The following TOR1AIP2 variants were observed in gnomAD, a reference collection of about 807,000 sequenced individuals.
The protein encoded by TOR1AIP2 is torsin-1A-interacting protein 2.
TOR1AIP2 carries 20 observed loss-of-function variants against 32.6 expected under a neutral mutation model. The observed-to-expected ratio is 0.61, with a 90% CI of 0.43 to 0.89. The LOEUF is 0.89. TOR1AIP2 is among the 40% of genes least tolerant of loss of function. The pLI is 0.00. For synonymous variants in TOR1AIP2, 214 were observed against 210.8 expected (o/e 1.02, Z -0.13); for missense variants, 456 against 553.8 (o/e 0.82, Z 1.77).
intron 2 of TOR1AIP2, among the ~76,000 whole-genome samples, chr1:179,867,076 A>T (rs2148451740): frequency 6.6e-6 from 1 of 152,296 alleles, no homozygotes; most frequent in Non-Finnish European, 1.5e-5. Context: ...AAATAGAAGG[A>T]ATTATAGCCT....
chr1:179,852,177 G>A (rs1457167347), intron 4 of TOR1AIP2, among the ~76,000 whole-genome samples: 1 of 151,928 alleles, frequency 6.6e-6, no homozygotes, highest in Non-Finnish European at 1.5e-5. Flanking sequence ...CTATTCTGGA[G>A]GCTGAAGCAT....
At position 179,840,622 on chromosome 1, in the gene TOR1AIP2, A is replaced by G. The variant is rs1441148507; in HGVS notation, c.*5449T>C. 6.6e-6 allele frequency: 1 copy of G among 152,122 alleles called. No homozygotes were observed. Among genetic ancestry groups the G allele is most frequent in the African/African-American group, 2.4e-5 (1 of 41,402 alleles). 9.4% of individuals were successfully genotyped at this position (152,122 alleles called of 1,614,324 possible). On this transcript the variant is annotated 3_prime_UTR_variant, in exon 7 of 7. Transcript: ENST00000609928. ...GTTCTCAGGCCATTTGGATTGGCCTATAGAGATACAGAAGTTATAGCACAG... is the reference window on the plus strand; with the variant it reads ...GTTCTCAGGCCATTTGGATTGGCCTGTAGAGATACAGAAGTTATAGCACAG...
chr1:179,876,073 A>G (rs1571709928), intron 2 of TOR1AIP2: 2 of 152,312 alleles, frequency 1.3e-5, no homozygotes, highest in South Asian at 4.1e-4. Context: ...GGGCCTTCAC[A>G]GTTGACTTAG....
chr1:179,846,126 A>G lies in TOR1AIP2; in HGVS notation c.1358T>C (p.Leu453Pro). The change falls in exon 7 of 7, where the codon CTG becomes CCG. Residue 453 changes from leucine to proline, a missense_variant. Physicochemically the swap from Leu to Pro is moderately conservative, Grantham distance 98 (BLOSUM62 -3). Coordinates refer to ENST00000609928, the MANE Select transcript of TOR1AIP2 (RefSeq NM_001199260.2). ...ACTCACTGGCTGGACTGGCAGTACC[A>G]GGTGTGAAATTCGGCTCCACAGCCC... is the stretch of plus-strand genomic sequence containing the variant. ...LSGLWSRISH[L>P]VLPVQPVSSI... The G allele has an allele frequency of 6.2e-7, 1 of 1,614,196 alleles. No individual in the cohort carries two copies.
At chr1:179,872,065 C>T (rs889855367) in intron 2 of TOR1AIP2, among the ~76,000 whole-genome samples, 1 of 152,122 alleles carries the variant, frequency 6.6e-6, no homozygotes, top group African/African-American at 2.4e-5. Context: ...CTCTTTAGAA[C>T]AGAGAAGCCA....
rs757301962 is a variant in TOR1AIP2, at chr1:179,865,488, G to A, written c.-199C>T. 3 of 300,558 alleles carry A rather than the reference G, an allele frequency of 1.0e-5. No homozygotes were observed. The highest frequency in any genetic ancestry group is 2.2e-5 in the African/African-American group (1 of 46,174). The allele number at this position is 300,558 out of a possible 1,614,324, so 18.6% of individuals were successfully genotyped here. A position where few individuals can be genotyped will look rare whatever the true frequency, so the allele number is the denominator to read the frequency against. ...TTCAAATCCCAGCTTCTCAAGAAGAGATAGGGCTCTAGTCTAAATTAGTTA... is the reference window on the plus strand; with the variant it reads ...TTCAAATCCCAGCTTCTCAAGAAGAAATAGGGCTCTAGTCTAAATTAGTTA... On this transcript the variant is annotated 5_prime_UTR_variant, in exon 3 of 7. Transcript: ENST00000609928.
At chr1:179,867,252 A>G (rs1696819535) in intron 2 of TOR1AIP2, among the ~76,000 whole-genome samples, 1 of 152,218 alleles carries the variant, frequency 6.6e-6, no homozygotes, top group African/African-American at 2.4e-5. Context: ...AGAGTCAAGT[A>G]GACATACTGA....
rs1695705710 is a variant in TOR1AIP2 at position 179,841,091 on chromosome 1, C to T, written c.*4980G>A. 1 of 152,050 alleles carries T rather than the reference C, an allele frequency of 6.6e-6. No homozygotes were observed. Among genetic ancestry groups the T allele is most frequent in the Non-Finnish European group, 1.5e-5 (1 of 68,016 alleles). The allele number at this position is 152,050 out of a possible 1,614,324, so 9.4% of individuals were successfully genotyped here. Reference sequence around the variant, plus strand: ...AAAGTCATCTGGAGAAACTGTTTTACAGGTATCTTAACTTTATTTAGCTCT... The same window carrying T: ...AAAGTCATCTGGAGAAACTGTTTTATAGGTATCTTAACTTTATTTAGCTCT... On this transcript the variant is annotated 3_prime_UTR_variant, in exon 7 of 7. Transcript: ENST00000609928.
At chr1:179,873,216 G>A (rs1259816433) in intron 2 of TOR1AIP2, among the ~76,000 whole-genome samples, 1 of 152,056 alleles carries the variant, frequency 6.6e-6, no homozygotes, top group African/African-American at 2.4e-5. Context: ...AAATAGACAC[G>A]TGGTCTTGCT....
At position 179,845,360 on chromosome 1, in the gene TOR1AIP2, T is replaced by C. The variant is rs531973646; in HGVS notation, c.*711A>G. 2.0e-5 allele frequency: 3 copies of C among 152,306 alleles called. No homozygotes were observed. Among genetic ancestry groups the C allele is most frequent in the South Asian group, 2.1e-4 (1 of 4,826 alleles). The allele number at this position is 152,306 out of a possible 1,614,324, so 9.4% of individuals were successfully genotyped here. On this transcript the variant is annotated 3_prime_UTR_variant, in exon 7 of 7. Transcript: ENST00000609928. The stretch of plus-strand genomic sequence containing the variant: ...TTCAAGAAAAGCTGAAGTAAAGATA[T>C]AGCCAATTGGAATTTCTTCATTTCC...
At chr1:179,856,368 G>A (rs1353199294) in intron 3 of TOR1AIP2, among the ~76,000 whole-genome samples, 1 of 152,170 alleles carries the variant, frequency 6.6e-6, no homozygotes, top group Non-Finnish European at 1.5e-5. Flanking sequence ...CTGCAAAGGT[G>A]CCATCACAGA....
Position 179,846,524 on chromosome 1 carries a change from G to A in TOR1AIP2, c.960C>T (p.Thr320=), listed in dbSNP as rs769531908. The A allele has an allele frequency of 6.2e-7, 1 of 1,614,146 alleles. No homozygotes were observed. The highest frequency in any genetic ancestry group is 1.1e-5 in the South Asian group (1 of 91,078). The change falls in exon 7 of 7, where the codon ACC becomes ACT. Residue 320 remains threonine (T), a synonymous_variant. Coordinates refer to ENST00000609928, the MANE Select transcript of TOR1AIP2 (RefSeq NM_001199260.2). ...GAATGGGAGAGACTTTCTGGGAAGA[G>A]GTGTAGGCATCTGCAACATGGTGGC... ...CLSHHVADAY[T]SSQKVSPIQI...
At chr1:179,875,761 G>A (rs983289518) in intron 2 of TOR1AIP2, 2 of 151,860 alleles carry the variant, frequency 1.3e-5, no homozygotes, top group African/African-American at 2.4e-5. Flanking sequence ...TAGTAAAGAG[G>A]AAAACAGCCC....
chr1:179,850,821 G>A, intron 5 of TOR1AIP2, 24 bp downstream of exon 5: 1 of 1,604,296 alleles, frequency 6.2e-7, no homozygotes, highest in Admixed American at 1.7e-5. Context: ...CAAAACAGGA[G>A]AGTAGTTCAG....
At chr1:179,865,014 C>A in intron 3 of TOR1AIP2, 1 of 1,614,040 alleles carries the variant, frequency 6.2e-7, no homozygotes, top group Non-Finnish European at 8.5e-7. Context: ...GCAGGATTAT[C>A]AGGATAACAC....
chr1:179,844,992 T>C lies in TOR1AIP2; in HGVS notation c.*1079A>G, dbSNP rs2148419991. On this transcript the variant is annotated 3_prime_UTR_variant, in exon 7 of 7. Transcript: ENST00000609928. The stretch of plus-strand genomic sequence containing the variant: ...GGACAGAAATGACGATTAACAGAAA[T>C]GAACAAAAGCATCAGAGACATGCTA... 6.6e-6 allele frequency: 1 copy of C among 152,284 alleles called. No individual in the cohort carries two copies. The highest frequency in any genetic ancestry group is 1.5e-5 in the Non-Finnish European group (1 of 67,988). The allele number at this position is 152,284 out of a possible 1,614,324, so 9.4% of individuals were successfully genotyped here.
rs964281665 is a variant in TOR1AIP2, at chr1:179,862,657, G to A, written c.-147+2779C>T. ...TGCTAAAAGAGCCCTGGTCAGGCAC[G>A]GTGGCTATGCCTGTAATCCCAGCAC... On this transcript the variant is annotated intron_variant, in intron 3 of 6. Coordinates refer to ENST00000609928, the MANE Select transcript of TOR1AIP2 (RefSeq NM_001199260.2). 11 of 985,188 alleles carry A rather than the reference G, an allele frequency of 1.1e-5. No homozygotes were observed. The East Asian group carries it at 3.4e-4, about 30-fold the overall frequency. 61.0% of individuals were successfully genotyped at this position (985,188 alleles called of 1,614,324 possible).
At chr1:179,866,075 A>G (rs1464606611) in intron 2 of TOR1AIP2, among the ~76,000 whole-genome samples, 4 of 152,188 alleles carry the variant, frequency 2.6e-5, no homozygotes, top group Admixed American at 6.5e-5. Context: ...TCTTAGGACT[A>G]TATTTCTTCT....
At position 179,840,547 on chromosome 1, in the gene TOR1AIP2, A is replaced by G. The variant is rs1210637239; in HGVS notation, c.*5524T>C. 4 of 152,242 alleles carry G rather than the reference A, an allele frequency of 2.6e-5. No individual in the cohort carries two copies. Among genetic ancestry groups the G allele is most frequent in the Non-Finnish European group, 5.9e-5 (4 of 68,058 alleles). The allele number at this position is 152,242 out of a possible 1,614,324, so 9.4% of individuals were successfully genotyped here. ...TGCAGATAATACTGGAAGGAAAGGT[A>G]CTGAAGACTAAGGTATTTACCTTTT... On this transcript the variant is annotated 3_prime_UTR_variant, in exon 7 of 7. Coordinates refer to ENST00000609928, the MANE Select transcript of TOR1AIP2 (RefSeq NM_001199260.2).
Sources: gnomAD v4.1 joint callset for allele counts (sites outside exome capture counted in the v4.1 genomes callset) on GRCh38, gnomAD v4.1.1 for gene constraint, MANE v1.5 for transcripts, NCBI Gene and HGNC (gene_info 2026-07-23, HGNC 2026-07-21) for gene names.